Variants in CADPS observed in about 807,000 individuals in gnomAD.
CADPS encodes the protein calcium dependent secretion activator, also known as calcium-dependent secretion activator 1.
A neutral mutation model predicts 167.3 loss-of-function variants in CADPS; 57 were observed. The ratio of observed to expected loss-of-function variants is 0.34; its 90% CI spans 0.28 to 0.42. The LOEUF is 0.42. Ranked by LOEUF, CADPS falls within the 20% of genes least tolerant of loss-of-function variation. The probability of loss-of-function intolerance (pLI) is 1.00; values close to 1 mark genes in which losing one functional copy is unlikely to be tolerated. For missense variants in CADPS, 1,414 were observed against 1,738.1 expected, an observed-to-expected ratio of 0.81 and a Z score of 3.32; for synonymous variants, 676 against 635.3, an observed-to-expected ratio of 1.06 and a Z score of -0.96.
chr3:62,603,627 A>G (rs1055204766), intron 6 of CADPS, among the ~76,000 whole-genome samples: 4 of 152,136 alleles, frequency 2.6e-5, no homozygotes, highest in African/African-American at 2.4e-5. Context: ...TCCTAAAACC[A>G]AGAGCCTGGT....
At chr3:62,773,045 T>C (rs529819217) in intron 1 of CADPS, among the ~76,000 whole-genome samples, 19 of 149,044 alleles carry the variant, frequency 1.3e-4, no homozygotes, top group African/African-American at 4.4e-4. Flanking sequence ...TTCTTTATTA[T>C]AGATAACTGG....
In CADPS at chr3:62,514,798, T is replaced by C. The variant is rs2068604581; in HGVS notation, c.2581+1261A>G. On this transcript the variant is annotated intron_variant, in intron 16 of 29. Coordinates refer to ENST00000383710, the MANE Select transcript of CADPS (RefSeq NM_003716.4). This position sits in a 1 kb window ranked among gnomAD's most constrained non-coding sequence, Gnocchi z 4.2. Reference sequence around the variant, plus strand: ...TAGGTACCTGGCTGACTTTACCAAATACAACCAATCATTACGTCCTGGGAC... The same window carrying C: ...TAGGTACCTGGCTGACTTTACCAAACACAACCAATCATTACGTCCTGGGAC... Among the ~76,000 whole-genome samples the C allele has an allele frequency of 6.6e-6, 1 of 152,148 alleles. No individual in the cohort carries two copies. The highest frequency in any genetic ancestry group is 1.5e-5 in the Non-Finnish European group (1 of 68,018).
intron 3 of CADPS, among the ~76,000 whole-genome samples, chr3:62,699,223 G>C (rs752371122): frequency 1.3e-5 from 2 of 151,988 alleles, no homozygotes; most frequent in African/African-American, 2.4e-5. Flanking sequence ...GTTTTGTAGA[G>C]TCAGGGTCTC....
Position 62,532,896 on chromosome 3 carries a change from A to T in CADPS, c.2266T>A (p.Cys756Ser). The change falls in exon 13 of 30, where the codon TGT becomes AGT. Residue 756 changes from cysteine (C) to serine (S), a missense_variant. Transcript: ENST00000383710. ...PTLLHYSFAF[C>S]ASHVHGNRPD... Reference sequence around the variant, plus strand: ...CTGTTCCCATGGACATGGGATGCACAGAAGGCAAAGCTGTAGTGAAGAAGG... The same window carrying T: ...CTGTTCCCATGGACATGGGATGCACTGAAGGCAAAGCTGTAGTGAAGAAGG... 7.4e-6 allele frequency: 12 copies of T among 1,613,754 alleles called. No individual in the cohort carries two copies. Among genetic ancestry groups the T allele is most frequent in the Non-Finnish European group, 1.0e-5 (12 of 1,179,782 alleles).
intron 6 of CADPS, among the ~76,000 whole-genome samples, chr3:62,610,121 AC>A (rs1289032319): frequency 2.0e-5 from 3 of 152,040 alleles, no homozygotes; most frequent in African/African-American, 7.2e-5. Context: ...AGAAAAAAAA[AC>A]AACAAAAAAC....
At chr3:62,594,248 G>A (rs1412561764) in intron 6 of CADPS, among the ~76,000 whole-genome samples, 3 of 148,032 alleles carry the variant, frequency 2.0e-5, no homozygotes, top group East Asian at 4.0e-4. Flanking sequence ...TGCAAGCTCC[G>A]CCTCCCGGGT....
intron 1 of CADPS, among the ~76,000 whole-genome samples, chr3:62,862,730 A>C (rs989323880): frequency 6.6e-6 from 1 of 152,356 alleles, no homozygotes; most frequent in African/African-American, 2.4e-5. Context: ...ACAATTCTGC[A>C]ATAAAATAAA....
chr3:62,543,439 C>T lies in CADPS; in HGVS notation c.1966+6464G>A, dbSNP rs186520346. Among the ~76,000 whole-genome samples, 180 of 152,164 alleles carry T rather than the reference C, an allele frequency of 1.2e-3. 3 individuals carry two copies. Among genetic ancestry groups the T allele is most frequent in the Non-Finnish European group, 2.4e-4 (16 of 67,990 alleles). On this transcript the variant is annotated intron_variant, in intron 11 of 29. Coordinates refer to ENST00000383710, the MANE Select transcript of CADPS (RefSeq NM_003716.4). ...TCATTCAGTTAACTATTCATCCATC[C>T]TTTCTTTCATTCTTTAAAAAAAGTA...
At chr3:62,730,402 C>G (rs142150456) in intron 3 of CADPS, among the ~76,000 whole-genome samples, 1 of 152,276 alleles carries the variant, frequency 6.6e-6, no homozygotes, top group African/African-American at 2.4e-5. Context: ...ATCGAATTAT[C>G]CAGCTGAAAG....
At chr3:62,779,561 G>T in intron 1 of CADPS, 2 of 532,960 alleles carry the variant, frequency 3.8e-6, no homozygotes, top group East Asian at 5.3e-5. Context: ...CCCTCTGCCA[G>T]GCTTATGGGA....
intron 1 of CADPS, among the ~76,000 whole-genome samples, chr3:62,822,972 G>A (rs1422795428): frequency 6.6e-6 from 1 of 152,206 alleles, no homozygotes; most frequent in African/African-American, 2.4e-5. Context: ...AGATGTCAAG[G>A]TTGAGATAAT....
chr3:62,551,037 C>A (rs551524146), intron 10 of CADPS: 2 of 419,624 alleles, frequency 4.8e-6, no homozygotes, highest in South Asian at 3.5e-5. Context: ...TTAGAAGCAC[C>A]CTCTCTCATG....
At chr3:62,630,950 T>G (rs1383394818) in intron 6 of CADPS, among the ~76,000 whole-genome samples, 6 of 152,176 alleles carry the variant, frequency 3.9e-5, no homozygotes, top group Non-Finnish European at 8.8e-5. Flanking sequence ...TATGTAGGTT[T>G]CTCATCTTAT....
At chr3:62,576,171 G>A (rs530609172) in intron 8 of CADPS, among the ~76,000 whole-genome samples, 10 of 152,234 alleles carry the variant, frequency 6.6e-5, no homozygotes, top group African/African-American at 2.2e-4. Context: ...CAAGCTGTCC[G>A]GGTATGTGGA....
At chr3:62,542,187 T>C (rs2075794628) in intron 11 of CADPS, among the ~76,000 whole-genome samples, 1 of 152,182 alleles carries the variant, frequency 6.6e-6, no homozygotes, top group Non-Finnish European at 1.5e-5. Flanking sequence ...GTAGCTGTTT[T>C]AACATTGGAA....
Position 62,875,128 on chromosome 3 carries a change from G to T in CADPS, c.-99C>A, listed in dbSNP as rs966463531. 2 of 1,330,020 alleles carry T rather than the reference G, an allele frequency of 1.5e-6. No homozygotes were observed. The highest frequency in any genetic ancestry group is 1.5e-5 in the African/African-American group (1 of 64,536). 82.4% of individuals were successfully genotyped at this position (1,330,020 alleles called of 1,614,324 possible). On this transcript the variant is annotated 5_prime_UTR_variant, in exon 1 of 30. Coordinates refer to ENST00000383710, the MANE Select transcript of CADPS (RefSeq NM_003716.4). ...CGGGGATCAGCTCTCCCGGGTGGGC[G>T]CTTCTCCCCAGGTCAGGGAGCGAGA...
rs545141603 is a variant in CADPS at position 62,444,032 on chromosome 3, A to G, written c.3669+1733T>C. The stretch of plus-strand genomic sequence containing the variant: ...CTTCTTTGACCTCACCAATATGCCA[A>G]TTTCATGTGGTTCAATCTAACATAA... On this transcript the variant is annotated intron_variant, in intron 27 of 29. Transcript: ENST00000383710. Among the ~76,000 whole-genome samples, 8 of 152,260 alleles carry G rather than the reference A, an allele frequency of 5.3e-5. No homozygotes were observed. The South Asian group carries it at 1.7e-3, about 32-fold the overall frequency.
chr3:62,736,588 C>T (rs986071910), intron 3 of CADPS, among the ~76,000 whole-genome samples: 8 of 152,220 alleles, frequency 5.3e-5, no homozygotes, highest in African/African-American at 1.9e-4. Context: ...GAAACAAATA[C>T]TTAGAATAAA....
At chr3:62,450,238 C>T (rs2057841384) in intron 26 of CADPS, among the ~76,000 whole-genome samples, 1 of 152,198 alleles carries the variant, frequency 6.6e-6, no homozygotes, top group Admixed American at 6.5e-5. Context: ...TGAGAACTCA[C>T]CCTCTAAATG....
Sources: allele counts gnomAD v4.1 joint callset (sites outside exome capture counted in the v4.1 genomes callset), GRCh38; gene constraint gnomAD v4.1.1; non-coding constraint Gnocchi (gnomAD v3.1); transcripts MANE v1.5; gene names NCBI Gene and HGNC (gene_info 2026-07-23, HGNC 2026-07-21).